Variants in TRPM3 observed in about 807,000 individuals in gnomAD.
TRPM3 encodes the protein transient receptor potential cation channel subfamily M member 3.
A neutral mutation model predicts 181.2 loss-of-function variants in TRPM3; 77 were observed. The observed-to-expected ratio is 0.42, with a 90% CI of 0.35 to 0.51. TRPM3 has a LOEUF of 0.51. TRPM3 is among the 20% of genes least tolerant of loss of function. The pLI, the probability that TRPM3 is intolerant of heterozygous loss-of-function variation, is 0.01. For missense variants in TRPM3, 1,759 were observed against 2,196.7 expected (o/e 0.80, Z 3.98); for synonymous variants, 745 against 796.4 (o/e 0.94, Z 1.09).
chr9:70,904,567 C>A (rs2096435120), intron 1 of TRPM3, among the ~76,000 whole-genome samples: 1 of 152,136 alleles, frequency 6.6e-6, no homozygotes, highest in African/African-American at 2.4e-5. Context: ...ACAAAGCATG[C>A]TGGGGCCAAC....
intron 1 of TRPM3, among the ~76,000 whole-genome samples, chr9:71,320,192 C>T (rs2089070536): frequency 6.6e-6 from 1 of 151,850 alleles, no homozygotes; most frequent in Non-Finnish European, 1.5e-5. Context: ...CCACAGCCAT[C>T]CCAGAATATA....
intron 1 of TRPM3, among the ~76,000 whole-genome samples, chr9:71,094,999 T>C (rs1405043475): frequency 6.6e-6 from 1 of 152,134 alleles, no homozygotes; most frequent in Non-Finnish European, 1.5e-5. Flanking sequence ...CTAAGTCCTC[T>C]TAGCATACTC....
chr9:71,318,013 G>C (rs1464108452), intron 1 of TRPM3, among the ~76,000 whole-genome samples: 1 of 152,150 alleles, frequency 6.6e-6, no homozygotes, highest in African/African-American at 2.4e-5. Context: ...ATTTTGAAAG[G>C]CCAAGGCAAG....
At chr9:70,842,195 A>G (rs1227225541) in intron 5 of TRPM3, among the ~76,000 whole-genome samples, 1 of 152,028 alleles carries the variant, frequency 6.6e-6, no homozygotes, top group Non-Finnish European at 1.5e-5. Flanking sequence ...AGTCTGTCCC[A>G]TTTAGGTAAA....
chr9:70,989,792 T>G (rs887182109), intron 1 of TRPM3, among the ~76,000 whole-genome samples: 1 of 152,180 alleles, frequency 6.6e-6, no homozygotes, highest in Non-Finnish European at 1.5e-5. Context: ...TAGGCTCAAT[T>G]AAGTTAGATA....
At position 70,854,676 on chromosome 9, in the gene TRPM3, A is replaced by G. The variant is rs78021833; in HGVS notation, c.463-8085T>C. ...ATGGCCTTTAGTTCCCCAATTTATCATTTCAAGAGATAAACTGGGCTCGAA... is the reference window on the plus strand; with the variant it reads ...ATGGCCTTTAGTTCCCCAATTTATCGTTTCAAGAGATAAACTGGGCTCGAA... On this transcript the variant is annotated intron_variant, in intron 3 of 25. Transcript: ENST00000677713. Among the ~76,000 whole-genome samples the G allele has an allele frequency of 3.1e-3, 476 of 152,206 alleles. 8 individuals carry two copies. In the East Asian group the frequency reaches 0.039, roughly 12 times the overall value.
intron 22 of TRPM3, among the ~76,000 whole-genome samples, chr9:70,555,537 T>C (rs1255381642): frequency 6.6e-6 from 1 of 152,226 alleles, no homozygotes; most frequent in Middle Eastern, 3.2e-3. Context: ...TGGACACTAA[T>C]AGACATTTCC....
At chr9:70,810,113 T>C (rs1168495251) in intron 6 of TRPM3, 1 of 532,304 alleles carries the variant, frequency 1.9e-6, no homozygotes, top group African/African-American at 2.0e-5. Flanking sequence ...AGTCCTCTGC[T>C]TGCCTCCACC....
At chr9:70,831,983 A>ATATATATATATATATT (rs2093955987) in intron 5 of TRPM3, among the ~76,000 whole-genome samples, 1 of 103,422 alleles carries the variant, frequency 9.7e-6, no homozygotes. Flanking sequence ...ATATATATAT[A>ATATATATATATATATT]TATATATATA....
intron 8 of TRPM3, among the ~76,000 whole-genome samples, chr9:70,684,662 A>G (rs563454944): frequency 3.3e-5 from 5 of 152,342 alleles, no homozygotes; most frequent in Admixed American, 3.3e-4. Flanking sequence ...CAGAGATGGA[A>G]AAAACAGGTA....
chr9:71,143,022 T>C (rs2075208473), intron 1 of TRPM3, among the ~76,000 whole-genome samples: 1 of 149,992 alleles, frequency 6.7e-6, no homozygotes, highest in African/African-American at 2.5e-5. Flanking sequence ...TGGTGGCACA[T>C]GCCTGTAGTT....
chr9:71,024,782 C>T (rs1175552591), intron 1 of TRPM3, among the ~76,000 whole-genome samples: 2 of 152,212 alleles, frequency 1.3e-5, no homozygotes, highest in Admixed American at 6.5e-5. Flanking sequence ...GAGATGATAG[C>T]ATAACGGTAA....
intron 1 of TRPM3, among the ~76,000 whole-genome samples, chr9:71,034,465 G>A (rs1590845443): frequency 6.6e-6 from 1 of 152,048 alleles, no homozygotes; most frequent in South Asian, 2.1e-4. Context: ...TGGGTTTGGG[G>A]TCACTTCTAT....
intron 1 of TRPM3, among the ~76,000 whole-genome samples, chr9:71,336,071 T>A (rs944240175): frequency 1.8e-4 from 27 of 151,836 alleles, no homozygotes; most frequent in African/African-American, 6.3e-4. Flanking sequence ...TTTGGCAAGC[T>A]AGCCTGAAAA....
chr9:71,369,384 C>T (rs1041227442), intron 1 of TRPM3, among the ~76,000 whole-genome samples: 5 of 152,060 alleles, frequency 3.3e-5, no homozygotes, highest in East Asian at 1.9e-4. Flanking sequence ...ATAAATAAAA[C>T]GAACATGTTT....
chr9:71,335,379 T>C lies in TRPM3; in HGVS notation c.183+111274A>G, dbSNP rs72735815. On this transcript the variant is annotated intron_variant, in intron 1 of 24. Transcript: ENST00000357533. ...TTATACAAAACCAATATTAAGGAAA[T>C]AGTGCTTCATAAAGAGAATAGCCAT... Among the ~76,000 whole-genome samples the C allele has an allele frequency of 4.2e-3, 643 of 152,240 alleles. 3 individuals are homozygous for C. The highest frequency in any genetic ancestry group is 6.0e-3 in the South Asian group (29 of 4,826).
intron 22 of TRPM3, among the ~76,000 whole-genome samples, chr9:70,585,996 A>G (rs940156795): frequency 2.0e-5 from 3 of 152,128 alleles, no homozygotes; most frequent in African/African-American, 7.2e-5. Flanking sequence ...GGAACTTTTC[A>G]TACTAATTCG....
intron 1 of TRPM3, among the ~76,000 whole-genome samples, chr9:70,903,517 A>C (rs2096416433): frequency 6.6e-6 from 1 of 151,682 alleles, no homozygotes; most frequent in Non-Finnish European, 1.5e-5. Context: ...TTTTTTTTTT[A>C]ATCCTGTAAA....
At chr9:71,056,028 T>C (rs1661047738) in intron 1 of TRPM3, among the ~76,000 whole-genome samples, 1 of 152,024 alleles carries the variant, frequency 6.6e-6, no homozygotes, top group African/African-American at 2.4e-5. Flanking sequence ...AAGACACCCC[T>C]ATCAGGTAAT....
Sources: gnomAD v4.1 joint callset for allele counts (sites outside exome capture counted in the v4.1 genomes callset) on GRCh38, gnomAD v4.1.1 for gene constraint, MANE v1.5 for transcripts, NCBI Gene and HGNC (gene_info 2026-07-23, HGNC 2026-07-21) for gene names.